MTHFD2L: variants seen among roughly 807,000 people sequenced by gnomAD.
The protein encoded by MTHFD2L is methylenetetrahydrofolate dehydrogenase (NADP+ dependent) 2 like.
In MTHFD2L, 29 loss-of-function variants were observed where a neutral mutation model predicts 34.9. The ratio of observed to expected loss-of-function variants is 0.83; its 90% CI spans 0.62 to 1.13. MTHFD2L has a LOEUF of 1.13. Ranked by LOEUF, MTHFD2L falls within the 50% of genes most tolerant of loss-of-function variation. The pLI is 0.00. For synonymous variants in MTHFD2L, 167 were observed against 155.7 expected (o/e 1.07, Z -0.54); for missense variants, 481 against 446.5 (o/e 1.08, Z -0.70).
intron 3 of MTHFD2L, among the ~76,000 whole-genome samples, chr4:74,184,437 A>G (rs1208780421): frequency 5.3e-5 from 8 of 152,024 alleles, no homozygotes; most frequent in African/African-American, 1.7e-4. Context: ...AGGTCATTTC[A>G]TAATAATTAA....
At chr4:74,179,727 T>C (rs1729761531) in intron 3 of MTHFD2L, among the ~76,000 whole-genome samples, 2 of 152,264 alleles carry the variant, frequency 1.3e-5, no homozygotes, top group South Asian at 4.1e-4. Context: ...AAACAATGCA[T>C]ATGTACCTTA....
chr4:74,269,201 G>A (rs141549076), intron 6 of MTHFD2L, among the ~76,000 whole-genome samples: 4 of 152,198 alleles, frequency 2.6e-5, no homozygotes, highest in African/African-American at 9.6e-5. Flanking sequence ...TTGAAATTCT[G>A]CATTAGTAAG....
upstream of MTHFD2L, among the ~76,000 whole-genome samples, chr4:74,156,093 A>C (rs181165005): frequency 6.6e-4 from 101 of 152,242 alleles, 1 homozygote; most frequent in Middle Eastern, 3.4e-3. Context: ...AATATTTTTT[A>C]ATATGGTATA....
chr4:74,235,574 C>A (rs1416005424), intron 6 of MTHFD2L, among the ~76,000 whole-genome samples: 2 of 152,104 alleles, frequency 1.3e-5, no homozygotes, highest in East Asian at 3.9e-4. Flanking sequence ...TTTTGGAAGT[C>A]ATTAATATCA....
chr4:74,135,658 C>T (rs1722852928), intron 1 of MTHFD2L, among the ~76,000 whole-genome samples: 1 of 150,992 alleles, frequency 6.6e-6, no homozygotes, highest in South Asian at 2.1e-4. Flanking sequence ...TTCTACAAGG[C>T]CAGTGTTACT....
At chr4:74,130,607 A>G (rs1722417390) in intron 1 of MTHFD2L, among the ~76,000 whole-genome samples, 1 of 152,208 alleles carries the variant, frequency 6.6e-6, no homozygotes, top group South Asian at 2.1e-4. Flanking sequence ...AGAGCTATTT[A>G]TGACAAACCC....
chr4:74,171,276 A>G (rs780860264), intron 1 of MTHFD2L, among the ~76,000 whole-genome samples: 1 of 152,222 alleles, frequency 6.6e-6, no homozygotes, highest in Non-Finnish European at 1.5e-5. Flanking sequence ...AAGGGAATGC[A>G]AATTTAAAGC....
intron 6 of MTHFD2L, among the ~76,000 whole-genome samples, chr4:74,259,259 A>G (rs1283904507): frequency 6.6e-6 from 1 of 152,224 alleles, no homozygotes; most frequent in Non-Finnish European, 1.5e-5. Flanking sequence ...AGCTAAATGT[A>G]GCACTCCATT....
In MTHFD2L at chr4:74,261,017, AAT is replaced by A. The variant is rs1224055645; in HGVS notation, c.806-20394_806-20393del. ...TATCAACTGAAAATAAATAGAAAAAAATATATATATATATACTCTGTTGTAAA... is the reference window on the plus strand; with the variant it reads ...TATCAACTGAAAATAAATAGAAAAAAATATATATATATACTCTGTTGTAAA... On this transcript the variant is annotated intron_variant, in intron 6 of 7. Coordinates refer to ENST00000325278, the MANE Select transcript of MTHFD2L (RefSeq NM_001144978.3). Among the ~76,000 whole-genome samples, 236 of 140,058 alleles carry A rather than the reference AAT, an allele frequency of 1.7e-3. 2 individuals carry two copies. The highest frequency in any genetic ancestry group is 5.9e-3 in the African/African-American group (218 of 37,070). 91.9% of individuals were successfully genotyped at this position (140,058 alleles called of 152,430 possible).
intron 6 of MTHFD2L, among the ~76,000 whole-genome samples, chr4:74,233,762 T>A (rs1230133549): frequency 6.6e-6 from 1 of 152,050 alleles, no homozygotes; most frequent in Admixed American, 6.6e-5. Flanking sequence ...CACAAAGTTT[T>A]ATTTTTTTTT....
At chr4:74,139,010 C>CA (rs1443916609) in intron 1 of MTHFD2L, among the ~76,000 whole-genome samples, 1 of 152,202 alleles carries the variant, frequency 6.6e-6, no homozygotes, top group African/African-American at 2.4e-5. Context: ...TAGGTGCAGT[C>CA]ACCTTCCCCA....
intron 1 of MTHFD2L, among the ~76,000 whole-genome samples, chr4:74,138,812 G>A (rs1012050866): frequency 3.3e-5 from 5 of 152,150 alleles, no homozygotes; most frequent in African/African-American, 9.7e-5. Flanking sequence ...GACCCAAAGC[G>A]GGTTGCCGCT....
chr4:74,276,308 T>C (rs1746640574), intron 6 of MTHFD2L, among the ~76,000 whole-genome samples: 1 of 152,122 alleles, frequency 6.6e-6, no homozygotes, highest in African/African-American at 2.4e-5. Context: ...AAGAAAGTTA[T>C]GTAGATGAGG....
chr4:74,206,346 A>C (rs933149435), intron 5 of MTHFD2L, among the ~76,000 whole-genome samples: 1 of 152,100 alleles, frequency 6.6e-6, no homozygotes, highest in African/African-American at 2.4e-5. Context: ...CATCTCAACA[A>C]CGGCTGGGTT....
intron 7 of MTHFD2L, among the ~76,000 whole-genome samples, chr4:74,295,726 A>G (rs1749550470): frequency 6.6e-6 from 1 of 151,900 alleles, no homozygotes. Context: ...ACCTCCTTCA[A>G]CTCTGTCTTT....
chr4:74,210,799 T>A (rs998549719), intron 5 of MTHFD2L, among the ~76,000 whole-genome samples: 3 of 152,212 alleles, frequency 2.0e-5, no homozygotes, highest in Non-Finnish European at 4.4e-5. Flanking sequence ...TTTCATGATA[T>A]TGATTCTTCC....
intron 3 of MTHFD2L, among the ~76,000 whole-genome samples, chr4:74,176,271 T>C (rs934358373): frequency 6.6e-6 from 1 of 152,112 alleles, no homozygotes; most frequent in African/African-American, 2.4e-5. Flanking sequence ...TCCATTTACA[T>C]TAAATTAGAT....
chr4:74,197,182 G>A (rs1035487048), intron 3 of MTHFD2L, among the ~76,000 whole-genome samples: 1 of 152,046 alleles, frequency 6.6e-6, no homozygotes, highest in African/African-American at 2.4e-5. Context: ...TAAATGGTTG[G>A]TTGTTTACCA....
At chr4:74,121,654 ATATAATTAAATATATATTTAAT>A (rs1721768219), upstream of MTHFD2L, among the ~76,000 whole-genome samples, 1 of 145,630 alleles carries the variant, frequency 6.9e-6, no homozygotes, top group African/African-American at 2.5e-5. Flanking sequence ...ATATAATTAT[ATATAATTAAATATATATTTAAT>A]TATATAATAT....
Sources: gnomAD v4.1 joint callset for allele counts (sites outside exome capture counted in the v4.1 genomes callset) on GRCh38, gnomAD v4.1.1 for gene constraint, MANE v1.5 for transcripts, NCBI Gene and HGNC (gene_info 2026-07-23, HGNC 2026-07-21) for gene names.